NTM: variants seen among roughly 807,000 people sequenced by gnomAD.
NTM encodes IgLON family member 2.
Under a neutral mutation model 42.1 loss-of-function variants are expected in NTM, and 13 were observed. That is an observed-to-expected ratio of 0.31 (90% CI 0.20 to 0.49). The LOEUF is 0.49. NTM is among the 20% of genes least tolerant of loss of function. NTM has a pLI of 0.99. For synonymous variants in NTM, 187 were observed against 179.2 expected (o/e 1.04, Z -0.35); for missense variants, 373 against 452.8 (o/e 0.82, Z 1.60).
chr11:131,387,413 C>G (rs1050943375), intron 1 of NTM, among the ~76,000 whole-genome samples: 3 of 152,152 alleles, frequency 2.0e-5, no homozygotes, highest in African/African-American at 4.8e-5. Flanking sequence ...AGCTCCATAC[C>G]TTTGCAGGAG....
Position 131,746,880 on chromosome 11 carries a change from A to T in NTM, c.83-164684A>T, listed in dbSNP as rs77911667. Among the ~76,000 whole-genome samples the T allele has an allele frequency of 5.3e-3, 801 of 152,332 alleles. 11 individuals carry two copies. Among genetic ancestry groups the T allele is most frequent in the African/African-American group, 0.017 (717 of 41,576 alleles). On this transcript the variant is annotated intron_variant, in intron 1 of 8. Transcript: ENST00000683400. ...ATACCGAAAAGAATCAGAGGACTGG[A>T]GCTGAGGTCCTCACATGTCACTTAT...
At chr11:131,828,415 C>A (rs1237816899) in intron 1 of NTM, among the ~76,000 whole-genome samples, 1 of 152,010 alleles carries the variant, frequency 6.6e-6, no homozygotes, top group African/African-American at 2.4e-5. Context: ...TCACTACCAC[C>A]TTCACCATCA....
At chr11:131,706,863 CT>C (rs1390047273) in intron 1 of NTM, among the ~76,000 whole-genome samples, 1 of 151,880 alleles carries the variant, frequency 6.6e-6, no homozygotes, top group Admixed American at 6.6e-5. Context: ...TTATTTTTAA[CT>C]GACATAATAA....
chr11:131,846,543 A>G (rs2044924546), intron 1 of NTM, among the ~76,000 whole-genome samples: 1 of 152,160 alleles, frequency 6.6e-6, no homozygotes, highest in Non-Finnish European at 1.5e-5. Context: ...AACAGTTAAT[A>G]TTTTATTAAT....
intron 7 of NTM, among the ~76,000 whole-genome samples, chr11:132,319,578 C>T (rs754999099): frequency 2.7e-4 from 41 of 152,346 alleles, no homozygotes; most frequent in Non-Finnish European, 4.9e-4. Context: ...GGGAGGGGCG[C>T]CTGCCATTGC....
At chr11:131,634,292 T>G (rs2064087927) in intron 1 of NTM, among the ~76,000 whole-genome samples, 1 of 152,130 alleles carries the variant, frequency 6.6e-6, no homozygotes, top group Non-Finnish European at 1.5e-5. Flanking sequence ...TGGCTGAAAT[T>G]GAAAGTTAAC....
intron 1 of NTM, among the ~76,000 whole-genome samples, chr11:131,371,557 A>G (rs1479784168): frequency 1.3e-5 from 2 of 152,158 alleles, no homozygotes; most frequent in African/African-American, 4.8e-5. Context: ...GAGAGAGGCA[A>G]TAAGAGTCGA....
chr11:131,538,409 TG>T (rs2052617185), intron 1 of NTM: 1 of 152,250 alleles, frequency 6.6e-6, no homozygotes, highest in Admixed American at 6.5e-5. Flanking sequence ...CTGTGCTATG[TG>T]GGTTCTGTTT....
intron 1 of NTM, among the ~76,000 whole-genome samples, chr11:131,696,436 A>T (rs571556373): frequency 6.6e-6 from 1 of 152,212 alleles, no homozygotes; most frequent in Admixed American, 6.5e-5. Flanking sequence ...ATCAAGTTGT[A>T]GGGGCCTTCC....
rs191504864 is a variant in NTM at position 132,124,059 on chromosome 11, C to G, written c.168-22223C>G. Among the ~76,000 whole-genome samples the G allele has an allele frequency of 6.0e-4, 92 of 152,242 alleles. 1 individual carries two copies. Among genetic ancestry groups the G allele is most frequent in the East Asian group, 4.6e-3 (24 of 5,178 alleles). ...AAGTGGAGATATTTTTGTTTACTAC[C>G]ACACAGAGTGGCCGTGTGGCTCACA... On this transcript the variant is annotated intron_variant, in intron 2 of 8. Transcript: ENST00000683400.
intron 1 of NTM, among the ~76,000 whole-genome samples, chr11:131,512,679 C>G (rs368763334): frequency 6.6e-6 from 1 of 152,208 alleles, no homozygotes. Flanking sequence ...GAAAACAGAG[C>G]AGGCCGTGGA....
intron 1 of NTM, among the ~76,000 whole-genome samples, chr11:131,756,246 TA>T (rs1485033015): frequency 2.6e-5 from 4 of 152,144 alleles, no homozygotes; most frequent in African/African-American, 9.7e-5. Context: ...TGAGGAAGAA[TA>T]GCGGTGGAGG....
chr11:131,489,739 A>T (rs1954569887), intron 1 of NTM, among the ~76,000 whole-genome samples: 1 of 152,220 alleles, frequency 6.6e-6, no homozygotes, highest in Non-Finnish European at 1.5e-5. Flanking sequence ...GCCTCAACAT[A>T]CATTACTAAA....
intron 2 of NTM, among the ~76,000 whole-genome samples, chr11:131,947,342 G>C (rs937778880): frequency 3.3e-5 from 5 of 152,104 alleles, no homozygotes; most frequent in Admixed American, 6.5e-5. Context: ...CATTATGTGT[G>C]AGATAACTTC....
chr11:132,272,855 A>G (rs1469631098), intron 4 of NTM, among the ~76,000 whole-genome samples: 1 of 151,866 alleles, frequency 6.6e-6, no homozygotes, highest in African/African-American at 2.4e-5. Context: ...TTTTTATTAC[A>G]TTTTCTTGCC....
intron 1 of NTM, among the ~76,000 whole-genome samples, chr11:131,540,154 G>GTTTTTT (rs57022166): frequency 3.5e-5 from 3 of 86,684 alleles, no homozygotes; most frequent in Non-Finnish European, 6.4e-5. Flanking sequence ...ATTTAAGCTT[G>GTTTTTT]TTTTTTTTTT....
rs140759474 is a variant in NTM, at chr11:131,765,920, G to C, written c.83-145644G>C. On this transcript the variant is annotated intron_variant, in intron 1 of 8. Transcript: ENST00000683400. ...GATTCTTAAAGGAAAAGAAGAGGCAGTTTCTGAGTTGATTACCAATAATTT... is the reference window on the plus strand; with the variant it reads ...GATTCTTAAAGGAAAAGAAGAGGCACTTTCTGAGTTGATTACCAATAATTT... Among the ~76,000 whole-genome samples the C allele has an allele frequency of 4.7e-3, 723 of 152,328 alleles. 6 individuals are homozygous for C. Among genetic ancestry groups the C allele is most frequent in the African/African-American group, 0.017 (696 of 41,566 alleles).
At chr11:131,742,773 A>T (rs988958995) in intron 1 of NTM, among the ~76,000 whole-genome samples, 8 of 152,240 alleles carry the variant, frequency 5.3e-5, no homozygotes, top group Non-Finnish European at 7.3e-5. Flanking sequence ...GAAAGAAAGC[A>T]TAATGCATTT....
chr11:132,120,819 G>A (rs151318248), intron 2 of NTM, among the ~76,000 whole-genome samples: 386 of 152,164 alleles, frequency 2.5e-3, no homozygotes, highest in African/African-American at 8.7e-3. Flanking sequence ...TTTATTTGTC[G>A]TCTGAACCCC....
Sources: gnomAD v4.1 joint callset for allele counts (sites outside exome capture counted in the v4.1 genomes callset) on GRCh38, gnomAD v4.1.1 for gene constraint, MANE v1.5 for transcripts, NCBI Gene and HGNC (gene_info 2026-07-23, HGNC 2026-07-21) for gene names.